Variants in CDYL2 observed in about 807,000 individuals in gnomAD.
CDYL2 encodes chromodomain Y like 2.
CDYL2 carries 23 observed loss-of-function variants against 49.4 expected under a neutral mutation model. That is an observed-to-expected ratio of 0.47 (90% CI 0.34 to 0.66). CDYL2 has a LOEUF of 0.66. CDYL2 is among the 30% of genes least tolerant of loss of function. The pLI, the probability that CDYL2 is intolerant of heterozygous loss-of-function variation, is 0.01. For synonymous variants in CDYL2, 360 were observed against 268.8 expected, an observed-to-expected ratio of 1.34 and a Z score of -3.32; for missense variants, 678 against 656.4, an observed-to-expected ratio of 1.03 and a Z score of -0.36.
chr16:80,781,150 A>G lies in CDYL2; in HGVS notation c.24+23000T>C, dbSNP rs149763447. Among the ~76,000 whole-genome samples the G allele has an allele frequency of 7.9e-4, 120 of 152,330 alleles. 2 individuals are homozygous for G. The East Asian group carries it at 0.02, about 26-fold the overall frequency. Reference sequence around the variant, plus strand: ...AGAGTGAAATTTAACATAAATCATTACACAATACACATCACATCAGAAAAC... The same window carrying G: ...AGAGTGAAATTTAACATAAATCATTGCACAATACACATCACATCAGAAAAC... On this transcript the variant is annotated intron_variant, in intron 1 of 6. Coordinates refer to ENST00000570137, the MANE Select transcript of CDYL2 (RefSeq NM_152342.4).
chr16:80,762,109 C>T (rs1906552956), intron 1 of CDYL2, among the ~76,000 whole-genome samples: 1 of 151,946 alleles, frequency 6.6e-6, no homozygotes, highest in Non-Finnish European at 1.5e-5. Context: ...TCACTTGAGC[C>T]CAGGAAGTCG....
At chr16:80,690,829 A>G (rs758852175) in intron 1 of CDYL2, among the ~76,000 whole-genome samples, 1 of 152,088 alleles carries the variant, frequency 6.6e-6, no homozygotes, top group African/African-American at 2.4e-5. Context: ...CTCTGCTTCA[A>G]TTCTTCATTG....
intron 2 of CDYL2, among the ~76,000 whole-genome samples, chr16:80,665,460 C>A (rs1909221078): frequency 6.8e-6 from 1 of 147,230 alleles, no homozygotes; most frequent in Non-Finnish European, 1.5e-5. Flanking sequence ...CATTCACTGC[C>A]ACCAAGTATT....
chr16:80,699,087 A>G (rs1904288222), intron 1 of CDYL2, among the ~76,000 whole-genome samples: 1 of 152,202 alleles, frequency 6.6e-6, no homozygotes, highest in Non-Finnish European at 1.5e-5. Flanking sequence ...AAAGACATGG[A>G]AAATAGAAAG....
At chr16:80,637,187 T>C (rs1006657387) in intron 2 of CDYL2, among the ~76,000 whole-genome samples, 4 of 149,398 alleles carry the variant, frequency 2.7e-5, no homozygotes, top group Admixed American at 6.7e-5. Context: ...ATGTATACAT[T>C]TAAAAAAAAA....
chr16:80,689,498 C>T (rs990050291), intron 1 of CDYL2, among the ~76,000 whole-genome samples: 2 of 152,220 alleles, frequency 1.3e-5, no homozygotes, highest in African/African-American at 4.8e-5. Flanking sequence ...CTTGATCACA[C>T]AGTCAGTAGC....
chr16:80,669,241 C>T (rs375088471), intron 2 of CDYL2, among the ~76,000 whole-genome samples: 1 of 151,906 alleles, frequency 6.6e-6, no homozygotes, highest in South Asian at 2.1e-4. Context: ...CCAAGGTGAC[C>T]GGCCTGGCCG....
At chr16:80,688,505 A>G (rs957629875) in intron 1 of CDYL2, among the ~76,000 whole-genome samples, 9 of 152,352 alleles carry the variant, frequency 5.9e-5, no homozygotes, top group African/African-American at 2.2e-4. Flanking sequence ...ACTTCAGTTG[A>G]CAAAACTGCT....
intron 1 of CDYL2, among the ~76,000 whole-genome samples, chr16:80,712,770 G>C (rs1324308153): frequency 1.3e-5 from 2 of 152,188 alleles, no homozygotes; most frequent in African/African-American, 4.8e-5. Flanking sequence ...AAAAAGGACT[G>C]TGTCCCAATG....
chr16:80,671,406 G>C (rs958999588), intron 2 of CDYL2, among the ~76,000 whole-genome samples: 17 of 152,204 alleles, frequency 1.1e-4, no homozygotes, highest in Non-Finnish European at 1.8e-4. Flanking sequence ...AAGTACAACA[G>C]GGGGTTCCCT....
rs528190107 is a variant in CDYL2, at chr16:80,702,939, T to G, written c.25-17810A>C. On this transcript the variant is annotated intron_variant, in intron 1 of 6. Transcript: ENST00000570137. ...TCACCCACAGAAGCCTAAGAAATAA[T>G]CAGTTGTTATTGCTTTAAGCCACTA... 2.8e-4 allele frequency among the ~76,000 whole-genome samples: 43 copies of G among 152,270 alleles called. No homozygotes were observed. The South Asian group carries it at 8.9e-3, about 32-fold the overall frequency.
rs570253563 is a variant in CDYL2 at position 80,687,690 on chromosome 16, G to T, written c.25-2561C>A. The stretch of plus-strand genomic sequence containing the variant: ...AAAATGGCATTAGCAAAATATTTAA[G>T]AACAGGGCTTTGTAACAAAACGATC... On this transcript the variant is annotated intron_variant, in intron 1 of 6. Transcript: ENST00000570137. Among the ~76,000 whole-genome samples, 6 of 152,302 alleles carry T rather than the reference G, an allele frequency of 3.9e-5. No individual in the cohort carries two copies. The South Asian group carries it at 1.0e-3, about 26-fold the overall frequency.
intron 1 of CDYL2, among the ~76,000 whole-genome samples, chr16:80,758,329 T>C (rs547534419): frequency 4.7e-4 from 71 of 151,970 alleles, no homozygotes; most frequent in African/African-American, 1.6e-3. Flanking sequence ...ACTACAATAA[T>C]AAACAAAAGT....
chr16:80,774,450 G>C (rs1036545279), intron 1 of CDYL2, among the ~76,000 whole-genome samples: 5 of 152,162 alleles, frequency 3.3e-5, no homozygotes, highest in Non-Finnish European at 7.4e-5. Flanking sequence ...GCTTCAGTTA[G>C]ACTGAAGGTA....
At chr16:80,790,159 C>T (rs1269940349) in intron 1 of CDYL2, among the ~76,000 whole-genome samples, 1 of 152,068 alleles carries the variant, frequency 6.6e-6, no homozygotes, top group Non-Finnish European at 1.5e-5. Flanking sequence ...TATGCAACAC[C>T]TAGGATCAGA....
intron 1 of CDYL2, among the ~76,000 whole-genome samples, chr16:80,712,185 G>GTATATATATATATATA (rs1032871818): frequency 5.1e-4 from 8 of 15,562 alleles, no homozygotes; most frequent in East Asian, 4.4e-3. Context: ...CTTTGTGTCT[G>GTATATATATATATATA]TGTGTGTATA....
At chr16:80,798,944 A>C (rs1278740386) in intron 1 of CDYL2, among the ~76,000 whole-genome samples, 1 of 152,172 alleles carries the variant, frequency 6.6e-6, no homozygotes, top group Non-Finnish European at 1.5e-5. Context: ...AGGGAAAATT[A>C]AACTGTCATT....
intron 1 of CDYL2, among the ~76,000 whole-genome samples, chr16:80,798,389 T>A (rs1487633874): frequency 6.6e-6 from 1 of 152,158 alleles, no homozygotes; most frequent in East Asian, 1.9e-4. Flanking sequence ...CTGCTATCCC[T>A]GAGACCACAA....
chr16:80,702,577 C>G (rs1160716310), intron 1 of CDYL2, among the ~76,000 whole-genome samples: 1 of 152,036 alleles, frequency 6.6e-6, no homozygotes, highest in Non-Finnish European at 1.5e-5. Flanking sequence ...GAGTGACAAC[C>G]CATCTCTACA....
Sources: allele counts gnomAD v4.1 joint callset (sites outside exome capture counted in the v4.1 genomes callset), GRCh38; gene constraint gnomAD v4.1.1; transcripts MANE v1.5; gene names NCBI Gene and HGNC (gene_info 2026-07-23, HGNC 2026-07-21).